The following KIRREL1 variants were observed in gnomAD, a reference collection of about 807,000 sequenced individuals.
KIRREL1 encodes kin of IRRE-like protein 1.
In KIRREL1, 25 loss-of-function variants were observed where a neutral mutation model predicts 83.3. The ratio of observed to expected loss-of-function variants is 0.30; its 90% CI spans 0.22 to 0.42. The LOEUF (loss-of-function observed/expected upper bound fraction) is 0.42, where lower values mean the gene tolerates loss of function less well. Among genes scored for constraint, KIRREL1 ranks in the 10% least tolerant of loss-of-function variants. KIRREL1 has a pLI of 1.00. For synonymous variants in KIRREL1, 388 were observed against 410.4 expected (o/e 0.95, Z 0.66); for missense variants, 812 against 1,032.3 (o/e 0.79, Z 2.92).
At chr1:158,029,412 C>A (rs559207927) in intron 1 of KIRREL1, among the ~76,000 whole-genome samples, 3 of 142,176 alleles carry the variant, frequency 2.1e-5, no homozygotes, top group African/African-American at 7.7e-5. Flanking sequence ...CATATATGCA[C>A]GTATGTATAA....
At chr1:158,009,482 T>C (rs1342984463) in intron 1 of KIRREL1, among the ~76,000 whole-genome samples, 1 of 152,232 alleles carries the variant, frequency 6.6e-6, no homozygotes, top group Non-Finnish European at 1.5e-5. Flanking sequence ...CTACCATTAT[T>C]ATTACCACCA....
At chr1:158,056,026 C>G (rs982505217) in intron 1 of KIRREL1, among the ~76,000 whole-genome samples, 1 of 152,206 alleles carries the variant, frequency 6.6e-6, no homozygotes, top group Non-Finnish European at 1.5e-5. Flanking sequence ...CCCCATCCCC[C>G]TCCCTCTCTG....
chr1:158,005,758 G>A (rs972340453), intron 1 of KIRREL1, among the ~76,000 whole-genome samples: 2 of 151,996 alleles, frequency 1.3e-5, no homozygotes, highest in Non-Finnish European at 2.9e-5. Flanking sequence ...ACTGTCTTCC[G>A]GGCAGGTCAG....
Position 157,993,651 on chromosome 1 carries a change from G to T in KIRREL1, c.-26G>T, listed in dbSNP as rs905220074. The T allele has an allele frequency of 2.7e-6, 4 of 1,467,678 alleles. No homozygotes were observed. Among genetic ancestry groups the T allele is most frequent in the African/African-American group, 1.5e-5 (1 of 68,064 alleles). 90.9% of individuals were successfully genotyped at this position (1,467,678 alleles called of 1,614,324 possible). A position where few individuals can be genotyped will look rare whatever the true frequency, so the allele number is the denominator to read the frequency against. On this transcript the variant is annotated 5_prime_UTR_variant, in exon 1 of 15. Coordinates refer to ENST00000359209, the MANE Select transcript of KIRREL1 (RefSeq NM_018240.7). The stretch of plus-strand genomic sequence containing the variant: ...CTCGCCAACTCCGGGCCCCAGCCGC[G>T]GGCGGGCGCACGGCGGGCGGACAGC...
In KIRREL1 at chr1:158,093,704, G is replaced by A. The variant is rs773024825; in HGVS notation, c.1661G>A (p.Arg554Gln). The A allele has an allele frequency of 3.3e-5, 53 of 1,614,058 alleles. No individual in the cohort carries two copies. Among genetic ancestry groups the A allele is most frequent in the South Asian group, 4.4e-5 (4 of 91,076 alleles). Residue 554 changes from arginine to glutamine, a missense_variant, in exon 13 of 15, where the codon CGG becomes CAG. Transcript: ENST00000359209. Reference protein sequence around the residue: ...NREPLTMHSDREDDTASVSTA... With the variant: ...NREPLTMHSDQEDDTASVSTA... ...GAGCCACTTACGATGCATTCTGACC[G>A]GGAGGATGACACCGCCAGCGTCTCC...
intron 1 of KIRREL1, among the ~76,000 whole-genome samples, chr1:158,003,407 G>T: frequency 6.6e-6 from 1 of 152,162 alleles, no homozygotes; most frequent in Non-Finnish European, 1.5e-5. Flanking sequence ...TCGAGACAGT[G>T]GGACTCCTGG....
At chr1:158,017,015 G>T (rs1347262194) in intron 1 of KIRREL1, among the ~76,000 whole-genome samples, 1 of 152,156 alleles carries the variant, frequency 6.6e-6, no homozygotes, top group East Asian at 1.9e-4. Flanking sequence ...GAAAAAAGTC[G>T]CCATGACATC....
At chr1:158,007,259 A>G (rs3892165) in intron 1 of KIRREL1, among the ~76,000 whole-genome samples, 12,969 of 152,220 alleles carry the variant, frequency 0.085, 599 homozygotes, top group Middle Eastern at 0.1. Flanking sequence ...GCACAGAAGA[A>G]GATAGAAAGA....
chr1:158,016,564 C>G (rs1430617212), intron 1 of KIRREL1, among the ~76,000 whole-genome samples: 1 of 152,050 alleles, frequency 6.6e-6, no homozygotes, highest in Non-Finnish European at 1.5e-5. Context: ...TGGGATGCAT[C>G]ATGGTGATAA....
At chr1:158,055,657 A>G (rs1212742662) in intron 1 of KIRREL1, among the ~76,000 whole-genome samples, 1 of 152,200 alleles carries the variant, frequency 6.6e-6, no homozygotes, top group Admixed American at 6.5e-5. Context: ...AGCAGAATTT[A>G]TATGTCGCCA....
At chr1:158,086,477 G>T in intron 4 of KIRREL1, 119 bp from the exon 5 acceptor site, 1 of 920,204 alleles carries the variant, frequency 1.1e-6, no homozygotes, top group Non-Finnish European at 1.6e-6. Flanking sequence ...GAGTGAAGGG[G>T]ATTGAGCTTT....
chr1:158,069,976 C>T (rs1012788503), intron 1 of KIRREL1, among the ~76,000 whole-genome samples: 3 of 152,194 alleles, frequency 2.0e-5, no homozygotes, highest in Admixed American at 6.5e-5. Context: ...ACCAAAACCT[C>T]TCTGGATGCT....
At chr1:157,996,282 T>C (rs1359690471) in intron 1 of KIRREL1, among the ~76,000 whole-genome samples, 2 of 152,164 alleles carry the variant, frequency 1.3e-5, no homozygotes, top group South Asian at 2.1e-4. Flanking sequence ...TCCCCCCGTT[T>C]CCATCATGCG....
intron 1 of KIRREL1, among the ~76,000 whole-genome samples, chr1:158,006,664 A>G (rs2101629184): frequency 6.6e-6 from 1 of 152,234 alleles, no homozygotes; most frequent in African/African-American, 2.4e-5. Flanking sequence ...CTGTGCCCTT[A>G]CCTGTCTAGT....
At chr1:158,056,106 T>C (rs967055088) in intron 1 of KIRREL1, among the ~76,000 whole-genome samples, 3 of 152,168 alleles carry the variant, frequency 2.0e-5, no homozygotes, top group Admixed American at 1.3e-4. Context: ...CTGCCAGGGA[T>C]ACACTCCTCG....
intron 1 of KIRREL1, among the ~76,000 whole-genome samples, chr1:158,048,164 G>A (rs182721219): frequency 4.6e-4 from 70 of 152,256 alleles, no homozygotes; most frequent in African/African-American, 1.4e-3. Context: ...GACCTATTGC[G>A]TCCAAAAAAT....
At position 158,027,480 on chromosome 1, in the gene KIRREL1, G is replaced by A. The variant is rs983681611; in HGVS notation, c.52+33752G>A. Reference sequence around the variant, plus strand: ...TTCAGCCCCTCTTCCCTCCCTAGAGGTTGGGGTATGGAGCTGAAGGTTTCA... The same window carrying A: ...TTCAGCCCCTCTTCCCTCCCTAGAGATTGGGGTATGGAGCTGAAGGTTTCA... On this transcript the variant is annotated intron_variant, in intron 1 of 14. Coordinates refer to ENST00000359209, the MANE Select transcript of KIRREL1 (RefSeq NM_018240.7). 2.1e-4 allele frequency among the ~76,000 whole-genome samples: 32 copies of A among 152,200 alleles called. 1 individual carries two copies. The highest frequency in any genetic ancestry group is 7.0e-4 in the African/African-American group (29 of 41,444).
At position 158,009,780 on chromosome 1, in the gene KIRREL1, C is replaced by CT. The variant is rs572269455; in HGVS notation, c.52+16053dup. Among the ~76,000 whole-genome samples the CT allele has an allele frequency of 3.9e-5, 6 of 152,362 alleles. No homozygotes were observed. In the South Asian group the frequency reaches 1.2e-3, roughly 32 times the overall value. ...GCAAGGCTGATCTTGCCTCTGCCGC[C>CT]TGCCAGACCTCAGATTGCCCACCTC... On this transcript the variant is annotated intron_variant, in intron 1 of 14. Transcript: ENST00000359209.
Position 158,089,577 on chromosome 1 carries a change from A to G in KIRREL1, c.1120A>G (p.Ile374Val), listed in dbSNP as rs1166400454. The G allele has an allele frequency of 6.2e-7, 1 of 1,614,034 alleles. No homozygotes were observed. Among genetic ancestry groups the G allele is most frequent in the Non-Finnish European group, 8.5e-7 (1 of 1,179,952 alleles). The stretch of plus-strand genomic sequence containing the variant: ...CGCTGGCACCTACACCTGCCGGGCC[A>G]TCGTGCCTCGAATCGGAGTGGCTGA... ...ADAGTYTCRA[I>V]VPRIGVAERE... is the part of the protein sequence containing the mutation. Residue 374 changes from isoleucine to valine, a missense_variant, in exon 9 of 15, where the codon ATC becomes GTC. Ile to Val is a conservative substitution (Grantham distance 29). Transcript: ENST00000359209.
Sources: gnomAD v4.1 joint callset for allele counts (sites outside exome capture counted in the v4.1 genomes callset) on GRCh38, gnomAD v4.1.1 for gene constraint, MANE v1.5 for transcripts, NCBI Gene and HGNC (gene_info 2026-07-23, HGNC 2026-07-21) for gene names.